DNAH8: variants seen among roughly 807,000 people sequenced by gnomAD.
The protein encoded by DNAH8 is axonemal beta dynein heavy chain 8.
Under a neutral mutation model 562.1 loss-of-function variants are expected in DNAH8, and 382 were observed. The ratio of observed to expected loss-of-function variants is 0.68; its 90% CI spans 0.63 to 0.74. The LOEUF is 0.74. DNAH8 is among the 30% of genes least tolerant of loss of function. The pLI is 0.00. For missense variants in DNAH8, 5,203 were observed against 5,620.4 expected (o/e 0.93, Z 2.37); for synonymous variants, 1,881 against 1,919.4 (o/e 0.98, Z 0.52).
At chr6:39,002,289 CTGTAGTG>C (rs1270673566) in intron 88 of DNAH8, among the ~76,000 whole-genome samples, 15 of 152,154 alleles carry the variant, frequency 9.9e-5, no homozygotes, top group Non-Finnish European at 1.6e-4. Context: ...CATATTCTAT[CTGTAGTG>C]TACCTAATGC....
chr6:38,884,204 TA>T (rs1402668837), intron 56 of DNAH8, among the ~76,000 whole-genome samples: 1 of 152,200 alleles, frequency 6.6e-6, no homozygotes, highest in Non-Finnish European at 1.5e-5. Context: ...GTTTTTTTAT[TA>T]AACTTTAAGT....
At chr6:38,994,795 C>A (rs1407520788) in intron 88 of DNAH8, among the ~76,000 whole-genome samples, 1 of 151,928 alleles carries the variant, frequency 6.6e-6, no homozygotes, top group Non-Finnish European at 1.5e-5. Flanking sequence ...CAGGTACATG[C>A]CACCATGCCT....
chr6:38,960,885 C>T (rs1275718193), intron 82 of DNAH8, among the ~76,000 whole-genome samples: 1 of 151,676 alleles, frequency 6.6e-6, no homozygotes, highest in Admixed American at 6.6e-5. Flanking sequence ...TCTGTACTCC[C>T]GTGTTTACTG....
At chr6:38,929,922 G>A (rs778537895) in intron 75 of DNAH8, among the ~76,000 whole-genome samples, 1 of 151,918 alleles carries the variant, frequency 6.6e-6, no homozygotes, top group Non-Finnish European at 1.5e-5. Context: ...GCAATATTTT[G>A]ATAAGAGTAG....
chr6:38,955,265 C>A (rs1762169329), intron 82 of DNAH8, among the ~76,000 whole-genome samples: 1 of 151,984 alleles, frequency 6.6e-6, no homozygotes, highest in Non-Finnish European at 1.5e-5. Context: ...TGAACCACTT[C>A]ATCTGGCCCA....
chr6:38,767,805 G>T (rs1296788093), intron 11 of DNAH8, among the ~76,000 whole-genome samples: 1 of 152,146 alleles, frequency 6.6e-6, no homozygotes, highest in Non-Finnish European at 1.5e-5. Context: ...ATTCTGCTGG[G>T]TGTATTCCTA....
At position 38,926,141 on chromosome 6, in the gene DNAH8, A is replaced by T; in HGVS notation, c.11049A>T (p.Pro3683=). 1.9e-6 allele frequency: 3 copies of T among 1,613,748 alleles called. No homozygotes were observed. The highest frequency in any genetic ancestry group is 2.5e-6 in the Non-Finnish European group (3 of 1,179,802). ...GIIVTKATRY[P]LLIDPQTQGK... is the part of the protein sequence containing the mutation. ...TTGTGACAAAGGCCACCAGATACCC[A>T]CTCCTCATAGACCCACAAACTCAAG... is the stretch of plus-strand genomic sequence containing the variant. Residue 3683 remains proline (P), a synonymous_variant, in exon 74 of 93, where the codon CCA becomes CCT. Transcript: ENST00000327475.
In DNAH8 at chr6:38,870,556, C is replaced by G. The variant is rs746205471; in HGVS notation, c.6984C>G (p.Leu2328=). The change falls in exon 49 of 93, where the codon CTC becomes CTG. Residue 2328 remains leucine (L), a synonymous_variant. Transcript: ENST00000327475. ...LINHPPWNLK[L]VQLYETSLVR... ...ACCATCCACCCTGGAACCTGAAACT[C>G]GTGCAGGTAAAGACATTTTAATCTA... is the stretch of plus-strand genomic sequence containing the variant. 1 of 1,613,386 alleles carries G rather than the reference C, an allele frequency of 6.2e-7. No individual in the cohort carries two copies. The highest frequency in any genetic ancestry group is 2.2e-5 in the East Asian group (1 of 44,772).
chr6:38,792,294 G>T (rs1210272800), intron 21 of DNAH8, among the ~76,000 whole-genome samples: 1 of 152,024 alleles, frequency 6.6e-6, no homozygotes, highest in African/African-American at 2.4e-5. Context: ...TGCCATGTTG[G>T]CCAGACTGGT....
chr6:38,728,645 C>T (rs750339448), intron 3 of DNAH8, among the ~76,000 whole-genome samples: 16 of 152,144 alleles, frequency 1.1e-4, no homozygotes, highest in Non-Finnish European at 1.8e-4. Flanking sequence ...CAAGTATATA[C>T]GGGAGGTGGA....
At chr6:38,899,312 A>T (rs540220968) in intron 61 of DNAH8, among the ~76,000 whole-genome samples, 3 of 152,322 alleles carry the variant, frequency 2.0e-5, no homozygotes, top group African/African-American at 4.8e-5. Flanking sequence ...GTACTTAAAA[A>T]AATTTGTTGG....
chr6:38,811,049 T>C (rs1771750192), intron 24 of DNAH8, among the ~76,000 whole-genome samples: 1 of 152,232 alleles, frequency 6.6e-6, no homozygotes, highest in African/African-American at 2.4e-5. Context: ...CCTTAATGTT[T>C]CTGCAGTTTT....
In DNAH8 at chr6:38,896,189, A is replaced by G; in HGVS notation, c.8904A>G (p.Glu2968=). ...CAGAACCAACTGGTGATGAACCTGA[A>G]GACTCTGTGTTTGAAGTACCCAAAA... ...EMPEPTGDEP[E]DSVFEVPKIY... The change falls in exon 60 of 93, where the codon GAA becomes GAG. Residue 2968 remains glutamate (E), a synonymous_variant. Transcript: ENST00000327475. The G allele has an allele frequency of 1.2e-6, 2 of 1,614,016 alleles. No homozygotes were observed. The highest frequency in any genetic ancestry group is 1.1e-5 in the South Asian group (1 of 91,054).
At chr6:38,773,392 C>T (rs77906274) in intron 12 of DNAH8, among the ~76,000 whole-genome samples, 4,887 of 152,092 alleles carry the variant, frequency 0.032, 250 homozygotes, top group African/African-American at 0.11. Context: ...AATGGTCATC[C>T]ATCTGTGAAA....
intron 8 of DNAH8, 58 bp from the exon 9 acceptor site, chr6:38,750,418 C>T: frequency 8.5e-7 from 1 of 1,169,976 alleles, no homozygotes; most frequent in Admixed American, 2.0e-5. Context: ...CCCGAGTAAA[C>T]TTTAGCACAC....
chr6:38,857,249 C>A (rs1184217617), intron 41 of DNAH8, among the ~76,000 whole-genome samples: 1 of 152,086 alleles, frequency 6.6e-6, no homozygotes, highest in Non-Finnish European at 1.5e-5. Context: ...TAGTCTCAGG[C>A]CCTCTGTAGA....
rs1777047972 is a variant in DNAH8, at chr6:38,866,605, T to C, written c.6513T>C (p.Ala2171=). The C allele has an allele frequency of 2.5e-6, 4 of 1,609,426 alleles. No homozygotes were observed. In the South Asian group the frequency reaches 3.4e-5, roughly 14 times the overall value. The change falls in exon 46 of 93, where the codon GCT becomes GCC. Residue 2171 remains alanine (A), a synonymous_variant. Coordinates refer to ENST00000327475, the MANE Select transcript of DNAH8 (RefSeq NM_001206927.2). The part of the protein sequence containing the change: ...GIFLTMNPGY[A]GRQELPENLK... ...TTAACTTTTAGAACCCTGGATATGC[T>C]GGGCGCCAGGAACTACCAGAAAACC... is the stretch of plus-strand genomic sequence containing the variant.
Position 38,761,742 on chromosome 6 carries a change from C to T in DNAH8, c.1556C>T (p.Thr519Ile). 6.4e-7 allele frequency: 1 copy of T among 1,564,988 alleles called. No individual in the cohort carries two copies. The highest frequency in any genetic ancestry group is 1.2e-5 in the South Asian group (1 of 84,356). ...GTAACAGCATGTAAAGCATATATTACTGATGGAGGATTAAACCATGTATGG... is the reference window on the plus strand; with the variant it reads ...GTAACAGCATGTAAAGCATATATTATTGATGGAGGATTAAACCATGTATGG... The part of the protein sequence containing the change: ...QMVTACKAYI[T>I]DGGLNHVWDQ... The change falls in exon 11 of 93, where the codon ACT becomes ATT. Residue 519 changes from threonine to isoleucine, a missense_variant. Physicochemically the swap from Thr to Ile is moderately conservative, Grantham distance 89. Coordinates refer to ENST00000327475, the MANE Select transcript of DNAH8 (RefSeq NM_001206927.2).
intron 7 of DNAH8, 69 bp from the exon 8 acceptor site, chr6:38,741,642 A>T (rs532383670): frequency 1.5e-6 from 2 of 1,351,528 alleles, no homozygotes; most frequent in Middle Eastern, 2.0e-4. Context: ...TGCCTTCAAA[A>T]AGATGCAATC....
Sources: gnomAD v4.1 joint callset for allele counts (sites outside exome capture counted in the v4.1 genomes callset) on GRCh38, gnomAD v4.1.1 for gene constraint, MANE v1.5 for transcripts, NCBI Gene and HGNC (gene_info 2026-07-23, HGNC 2026-07-21) for gene names.